The following EPM2A variants were observed in gnomAD, a reference collection of about 807,000 sequenced individuals.
EPM2A encodes laforin.
Under a neutral mutation model 26.5 loss-of-function variants are expected in EPM2A, and 21 were observed. The observed-to-expected ratio is 0.79, with a 90% CI of 0.56 to 1.14. The LOEUF is 1.14. Ranked by LOEUF, EPM2A falls within the 50% of genes most tolerant of loss-of-function variation. The probability of loss-of-function intolerance (pLI) is 0.00; values close to 1 mark genes in which losing one functional copy is unlikely to be tolerated. For synonymous variants in EPM2A, 217 were observed against 177.6 expected (o/e 1.22, Z -1.76); for missense variants, 458 against 440.8 (o/e 1.04, Z -0.35).
chr6:145,691,325 AG>A (rs1283571457), intron 1 of EPM2A, among the ~76,000 whole-genome samples: 1 of 152,174 alleles, frequency 6.6e-6, no homozygotes, highest in Non-Finnish European at 1.5e-5. Context: ...AAGTCACCAA[AG>A]GAAGTGTCAT....
chr6:145,491,110 AC>A (rs1779748907), intron 4 of EPM2A: 1 of 612,466 alleles, frequency 1.6e-6, no homozygotes, highest in African/African-American at 1.9e-5. Context: ...TTATTTGGCC[AC>A]CTTTTTTCTT....
intron 2 of EPM2A, among the ~76,000 whole-genome samples, chr6:145,593,871 A>C (rs947356244): frequency 1.3e-5 from 2 of 151,948 alleles, no homozygotes; most frequent in Non-Finnish European, 2.9e-5. Context: ...GAGAAAGAAG[A>C]ATGATTTAAG....
intron 4 of EPM2A, among the ~76,000 whole-genome samples, chr6:145,427,982 A>G (rs1285771132): frequency 1.3e-5 from 2 of 151,034 alleles, no homozygotes; most frequent in Non-Finnish European, 2.9e-5. Context: ...CATTATCATT[A>G]TTTAATAGTG....
chr6:145,735,163 G>A, intron 1 of EPM2A, 35 bp downstream of exon 1: 1 of 1,447,042 alleles, frequency 6.9e-7, no homozygotes, highest in Non-Finnish European at 9.2e-7. Flanking sequence ...CGGAGCTCCC[G>A]CTCTGCGCCG....
intron 2 of EPM2A, among the ~76,000 whole-genome samples, chr6:145,551,872 T>C (rs1020518764): frequency 6.6e-6 from 1 of 151,810 alleles, no homozygotes; most frequent in Non-Finnish European, 1.5e-5. Flanking sequence ...TTTTTTTTTT[T>C]TGTAAAAGAA....
In EPM2A at chr6:145,466,566, C is replaced by A. The variant is rs1045941633; in HGVS notation, c.555+35956G>T. Among the ~76,000 whole-genome samples the A allele has an allele frequency of 1.4e-3, 215 of 152,056 alleles. 1 individual carries two copies. Among genetic ancestry groups the A allele is most frequent in the African/African-American group, 4.9e-3 (204 of 41,424 alleles). On this transcript the variant is annotated intron_variant, in intron 4 of 4. Transcript: ENST00000638717. ...GGTGGGACTGTAAACTAGTTCAACC[C>A]TTGTGGAAGTCAGTGTGGCGATTCC... is the stretch of plus-strand genomic sequence containing the variant.
intron 4 of EPM2A, among the ~76,000 whole-genome samples, chr6:145,454,994 CAT>C (rs762264525): frequency 2.7e-4 from 41 of 151,994 alleles, no homozygotes; most frequent in Non-Finnish European, 4.7e-4. Flanking sequence ...TATGTGCATA[CAT>C]ATATATGTGT....
chr6:145,669,231 A>C (rs141119236), intron 2 of EPM2A, among the ~76,000 whole-genome samples: 1 of 152,228 alleles, frequency 6.6e-6, no homozygotes, highest in African/African-American at 2.4e-5. Flanking sequence ...CATGTTTCAT[A>C]AAAAAGTCTG....
chr6:145,455,403 GCT>G (rs1779251050), intron 4 of EPM2A, among the ~76,000 whole-genome samples: 1 of 152,082 alleles, frequency 6.6e-6, no homozygotes, highest in Non-Finnish European at 1.5e-5. Flanking sequence ...TGTTGCCCAG[GCT>G]AGAGTACAGT....
intron 2 of EPM2A, among the ~76,000 whole-genome samples, chr6:145,512,388 T>A (rs1780066360): frequency 1.3e-5 from 2 of 152,012 alleles, no homozygotes; most frequent in East Asian, 3.9e-4. Context: ...ATGGTACTGG[T>A]ACTAAAATAG....
chr6:145,536,873 GCAGA>G (rs1390077739), intron 2 of EPM2A, among the ~76,000 whole-genome samples: 1 of 152,212 alleles, frequency 6.6e-6, no homozygotes, highest in Non-Finnish European at 1.5e-5. Flanking sequence ...TGACTAAAAG[GCAGA>G]CAGAGGAGTG....
At chr6:145,532,394 C>T (rs138651592) in intron 2 of EPM2A, among the ~76,000 whole-genome samples, 68 of 152,094 alleles carry the variant, frequency 4.5e-4, no homozygotes, top group African/African-American at 1.5e-3. Context: ...TAACTTAGAG[C>T]AGATACATAG....
At chr6:145,482,014 C>T (rs1779616180) in intron 4 of EPM2A, among the ~76,000 whole-genome samples, 1 of 152,112 alleles carries the variant, frequency 6.6e-6, no homozygotes, top group South Asian at 2.1e-4. Flanking sequence ...TCTACACTAC[C>T]TGTAAAAAAA....
chr6:145,660,949 C>T (rs1778657305), intron 2 of EPM2A, among the ~76,000 whole-genome samples: 1 of 151,752 alleles, frequency 6.6e-6, no homozygotes, highest in Non-Finnish European at 1.5e-5. Flanking sequence ...CATATCGTGG[C>T]CAGTTAATAA....
At chr6:145,483,202 A>G (rs1779631818) in intron 4 of EPM2A, among the ~76,000 whole-genome samples, 1 of 152,076 alleles carries the variant, frequency 6.6e-6, no homozygotes. Flanking sequence ...TACCTCCTAA[A>G]GTTAAAAGTA....
At chr6:145,479,736 T>C (rs548900054) in intron 4 of EPM2A, among the ~76,000 whole-genome samples, 2 of 152,054 alleles carry the variant, frequency 1.3e-5, no homozygotes, top group African/African-American at 2.4e-5. Flanking sequence ...AAATATCTGT[T>C]TGAGTCCCTG....
chr6:145,690,521 GAAAAA>G (rs145052340), intron 1 of EPM2A, among the ~76,000 whole-genome samples: 1 of 87,026 alleles, frequency 1.1e-5, no homozygotes, highest in African/African-American at 4.3e-5. Flanking sequence ...CGTCTCAAAA[GAAAAA>G]AAAAAAAAAA....
Position 145,399,657 on chromosome 6 carries a change from G to T in EPM2A, c.556-15560C>A, listed in dbSNP as rs929045316. Among the ~76,000 whole-genome samples the T allele has an allele frequency of 3.3e-5, 5 of 151,712 alleles. No individual in the cohort carries two copies. The East Asian group carries it at 9.7e-4, about 29-fold the overall frequency. ...TTAGAGACTTCTTCTGGCCCAAGTGGTTTTAGACAATTGGGCTACATTAGA... is the reference window on the plus strand; with the variant it reads ...TTAGAGACTTCTTCTGGCCCAAGTGTTTTTAGACAATTGGGCTACATTAGA... On this transcript the variant is annotated intron_variant, in intron 4 of 4. Coordinates refer to the EPM2A transcript ENST00000638717.
intron 4 of EPM2A, among the ~76,000 whole-genome samples, chr6:145,496,275 T>C (rs181309014): frequency 6.6e-6 from 1 of 152,296 alleles, no homozygotes; most frequent in African/African-American, 2.4e-5. Context: ...GATAACTATG[T>C]GTCATGGGGA....
Sources: allele counts gnomAD v4.1 joint callset (sites outside exome capture counted in the v4.1 genomes callset), GRCh38; gene constraint gnomAD v4.1.1; transcripts MANE v1.5; gene names NCBI Gene and HGNC (gene_info 2026-07-23, HGNC 2026-07-21).